MPZL1: variants seen among roughly 807,000 people sequenced by gnomAD.
MPZL1 encodes the protein myelin protein zero-like protein 1.
Under a neutral mutation model 29.3 loss-of-function variants are expected in MPZL1, and 16 were observed. That is an observed-to-expected ratio of 0.55 (90% CI 0.37 to 0.83). The LOEUF (loss-of-function observed/expected upper bound fraction) is 0.83. Ranked by LOEUF, MPZL1 falls within the 40% of genes least tolerant of loss-of-function variation. MPZL1 has a pLI of 0.00. For missense variants in MPZL1, 279 were observed against 332.9 expected, an observed-to-expected ratio of 0.84 and a Z score of 1.26; for synonymous variants, 143 against 132.0, an observed-to-expected ratio of 1.08 and a Z score of -0.57.
intron 1 of MPZL1, among the ~76,000 whole-genome samples, chr1:167,752,389 T>C (rs1660777415): frequency 6.6e-6 from 1 of 152,170 alleles, no homozygotes; most frequent in East Asian, 1.9e-4. Context: ...GCTGACTCCC[T>C]GCTTGGAGGG....
At chr1:167,772,834 T>A (rs541491414) in intron 3 of MPZL1, among the ~76,000 whole-genome samples, 1 of 152,254 alleles carries the variant, frequency 6.6e-6, no homozygotes, top group African/African-American at 2.4e-5. Flanking sequence ...TCATACTGTT[T>A]TATATTCTCC....
At chr1:167,780,245 A>G (rs938714580) in intron 5 of MPZL1, among the ~76,000 whole-genome samples, 13 of 152,226 alleles carry the variant, frequency 8.5e-5, no homozygotes, top group Non-Finnish European at 2.9e-5. Context: ...TTTAAACTCA[A>G]CCAGACTGAT....
rs770909210 is a variant in MPZL1, at chr1:167,788,098, A to G, written c.*177A>G. 7.5e-6 allele frequency: 4 copies of G among 535,332 alleles called. No homozygotes were observed. Among genetic ancestry groups the G allele is most frequent in the African/African-American group, 3.8e-5 (2 of 52,054 alleles). The allele number at this position is 535,332 out of a possible 1,614,324, so 33.2% of individuals were successfully genotyped here. Reference sequence around the variant, plus strand: ...ATATGTATAAATATTCTATTTAGTCATCCTGATATGAGGAGCCAGTGTTGC... The same window carrying G: ...ATATGTATAAATATTCTATTTAGTCGTCCTGATATGAGGAGCCAGTGTTGC... On this transcript the variant is annotated 3_prime_UTR_variant, in exon 6 of 6. Coordinates refer to ENST00000359523, the MANE Select transcript of MPZL1 (RefSeq NM_003953.6).
At chr1:167,768,808 A>G (rs978283106) in intron 2 of MPZL1, among the ~76,000 whole-genome samples, 1 of 152,256 alleles carries the variant, frequency 6.6e-6, no homozygotes, top group African/African-American at 2.4e-5. Flanking sequence ...CCCAGTGCTG[A>G]GAAACAGCAT....
At chr1:167,764,068 C>T (rs915035218) in intron 1 of MPZL1, among the ~76,000 whole-genome samples, 1 of 152,190 alleles carries the variant, frequency 6.6e-6, no homozygotes, top group Non-Finnish European at 1.5e-5. Flanking sequence ...CTTCCTTATT[C>T]TGCCCGTCTG....
intron 1 of MPZL1, among the ~76,000 whole-genome samples, chr1:167,756,403 A>G (rs1361926450): frequency 6.7e-6 from 1 of 149,810 alleles, no homozygotes; most frequent in Non-Finnish European, 1.5e-5. Flanking sequence ...CTGGGATTAC[A>G]GGCATGAGCC....
chr1:167,725,521 T>G (rs780861341), intron 1 of MPZL1, among the ~76,000 whole-genome samples: 7 of 152,222 alleles, frequency 4.6e-5, no homozygotes, highest in Non-Finnish European at 1.0e-4. Context: ...AGTCTCGCAC[T>G]GTTGCCCAGG....
At chr1:167,766,554 T>C (rs568429627) in intron 2 of MPZL1, among the ~76,000 whole-genome samples, 3 of 152,250 alleles carry the variant, frequency 2.0e-5, no homozygotes, top group East Asian at 3.8e-4. Context: ...GCCCTTCATA[T>C]ATTGGCACAT....
chr1:167,751,054 C>T (rs1447125980), intron 1 of MPZL1, among the ~76,000 whole-genome samples: 1 of 152,184 alleles, frequency 6.6e-6, no homozygotes, highest in Non-Finnish European at 1.5e-5. Context: ...AAAGGTGCTG[C>T]TTATTTGTTC....
chr1:167,754,584 G>A (rs896478085), intron 1 of MPZL1, among the ~76,000 whole-genome samples: 1 of 152,184 alleles, frequency 6.6e-6, no homozygotes, highest in African/African-American at 2.4e-5. Context: ...GAAAAGTTCA[G>A]GTTCATGCAT....
chr1:167,783,050 C>T (rs373063739), intron 5 of MPZL1, among the ~76,000 whole-genome samples: 15 of 152,250 alleles, frequency 9.9e-5, no homozygotes, highest in African/African-American at 3.1e-4. Flanking sequence ...AACTTGATTG[C>T]GAATCTGGTG....
intron 1 of MPZL1, among the ~76,000 whole-genome samples, chr1:167,755,480 A>G (rs956794548): frequency 6.6e-6 from 1 of 152,230 alleles, no homozygotes; most frequent in Non-Finnish European, 1.5e-5. Context: ...TTTCTTATCT[A>G]TCAGATATGC....
At chr1:167,742,505 C>CT (rs1420005919) in intron 1 of MPZL1, among the ~76,000 whole-genome samples, 1 of 152,038 alleles carries the variant, frequency 6.6e-6, no homozygotes, top group Non-Finnish European at 1.5e-5. Context: ...AGTCCATAGT[C>CT]TATCATCAGT....
At chr1:167,765,849 AGTGT>A in intron 2 of MPZL1, 100 bp downstream of exon 2, 1 of 1,193,068 alleles carries the variant, frequency 8.4e-7, no homozygotes, top group East Asian at 2.6e-5. Flanking sequence ...TTCCAAAATG[AGTGT>A]ATTTTTTATC....
chr1:167,782,147 GC>G (rs1661509243), intron 5 of MPZL1, among the ~76,000 whole-genome samples: 1 of 151,774 alleles, frequency 6.6e-6, no homozygotes, highest in Admixed American at 6.6e-5. Flanking sequence ...CTACTGTTTA[GC>G]CCCTTTTAAA....
At chr1:167,777,699 T>C (rs934388120) in intron 5 of MPZL1, among the ~76,000 whole-genome samples, 1 of 152,176 alleles carries the variant, frequency 6.6e-6, no homozygotes, top group African/African-American at 2.4e-5. Context: ...GGGGAAGAAC[T>C]ACCTGAAATG....
intron 5 of MPZL1, among the ~76,000 whole-genome samples, chr1:167,780,560 T>C (rs1661477283): frequency 6.6e-6 from 1 of 152,162 alleles, no homozygotes; most frequent in Admixed American, 6.5e-5. Flanking sequence ...AATATTATTC[T>C]GTCTTTAAAA....
At chr1:167,762,125 TGAG>T (rs1169707786) in intron 1 of MPZL1, among the ~76,000 whole-genome samples, 2 of 152,008 alleles carry the variant, frequency 1.3e-5, no homozygotes, top group Non-Finnish European at 2.9e-5. Flanking sequence ...ATTTCACCTC[TGAG>T]GAGGCATTTG....
At chr1:167,762,508 CATTG>C (rs1465118491) in intron 1 of MPZL1, among the ~76,000 whole-genome samples, 1 of 152,172 alleles carries the variant, frequency 6.6e-6, no homozygotes, top group Non-Finnish European at 1.5e-5. Context: ...GAAACAGCTG[CATTG>C]ATTATAGCTC....
Sources: gnomAD v4.1 joint callset for allele counts (sites outside exome capture counted in the v4.1 genomes callset) on GRCh38, gnomAD v4.1.1 for gene constraint, MANE v1.5 for transcripts, NCBI Gene and HGNC (gene_info 2026-07-23, HGNC 2026-07-21) for gene names.